NAALADL2: variants seen among roughly 807,000 people sequenced by gnomAD.
NAALADL2 encodes the protein N-acetylated alpha-linked acidic dipeptidase like 2, also known as inactive N-acetylated-alpha-linked acidic dipeptidase-like protein 2.
NAALADL2 carries 76 observed loss-of-function variants against 87.2 expected under a neutral mutation model. The ratio of observed to expected loss-of-function variants is 0.87; its 90% CI spans 0.72 to 1.05. The LOEUF is 1.05. Ranked by LOEUF, NAALADL2 falls within the 50% of genes least tolerant of loss-of-function variation. The pLI is 0.00. For synonymous variants in NAALADL2, 354 were observed against 331.0 expected (o/e 1.07, Z -0.75); for missense variants, 1,089 against 945.8 (o/e 1.15, Z -1.99).
chr3:175,175,917 A>G (rs1485704840), intron 2 of NAALADL2, among the ~76,000 whole-genome samples: 4 of 152,082 alleles, frequency 2.6e-5, no homozygotes, highest in Non-Finnish European at 1.5e-5. Context: ...TTCAAATTTT[A>G]TCTTCAGTTA....
chr3:175,372,767 A>G (rs1560451603), intron 5 of NAALADL2, among the ~76,000 whole-genome samples: 2 of 152,212 alleles, frequency 1.3e-5, no homozygotes, highest in Non-Finnish European at 2.9e-5. Context: ...AGTATCCAGC[A>G]GTTTCTGCCA....
chr3:175,145,960 G>A (rs571712252), intron 2 of NAALADL2, among the ~76,000 whole-genome samples: 1 of 152,116 alleles, frequency 6.6e-6, no homozygotes, highest in East Asian at 1.9e-4. Flanking sequence ...TGTGGATGTG[G>A]AAATTGTTTT....
chr3:174,812,853 GAAA>G (rs1227610351), intron 3 of NAALADL2, among the ~76,000 whole-genome samples: 1 of 151,414 alleles, frequency 6.6e-6, no homozygotes, highest in Non-Finnish European at 1.5e-5. Flanking sequence ...AAGATATAAA[GAAA>G]AAAATTTTCA....
chr3:175,501,448 C>T (rs1027103459), intron 9 of NAALADL2, among the ~76,000 whole-genome samples: 1 of 152,056 alleles, frequency 6.6e-6, no homozygotes, highest in Non-Finnish European at 1.5e-5. Context: ...CACACAAAGG[C>T]AGCATATGAT....
chr3:175,285,721 A>G (rs1754896066), intron 4 of NAALADL2, among the ~76,000 whole-genome samples: 1 of 152,120 alleles, frequency 6.6e-6, no homozygotes, highest in Non-Finnish European at 1.5e-5. Context: ...AAACCGTGCT[A>G]TCTATATCTA....
chr3:174,653,366 A>G (rs978368228), intron 2 of NAALADL2, among the ~76,000 whole-genome samples: 9 of 152,094 alleles, frequency 5.9e-5, no homozygotes, highest in African/African-American at 1.9e-4. Flanking sequence ...TTGTGTGTTC[A>G]TTATCTTTGA....
At chr3:175,071,885 G>A (rs543656154) in intron 1 of NAALADL2, among the ~76,000 whole-genome samples, 58 of 152,158 alleles carry the variant, frequency 3.8e-4, no homozygotes, top group African/African-American at 1.3e-3. Flanking sequence ...GTCCTCACCA[G>A]AGTTTCAGTA....
chr3:175,771,926 T>C (rs1162724896), intron 13 of NAALADL2, among the ~76,000 whole-genome samples: 1 of 152,088 alleles, frequency 6.6e-6, no homozygotes, highest in Non-Finnish European at 1.5e-5. Flanking sequence ...AAGGCCCTTA[T>C]AGAACCATCA....
At chr3:175,706,710 G>A (rs1000333360) in intron 11 of NAALADL2, among the ~76,000 whole-genome samples, 1 of 152,114 alleles carries the variant, frequency 6.6e-6, no homozygotes, top group African/African-American at 2.4e-5. Context: ...TGATACATTA[G>A]CAGAAGAGGG....
rs1378783893 is a variant in NAALADL2 at position 175,506,837 on chromosome 3, G to T, written c.1653+35079G>T. 2.0e-5 allele frequency among the ~76,000 whole-genome samples: 3 copies of T among 152,182 alleles called. No individual in the cohort carries two copies. In the South Asian group the frequency reaches 6.2e-4, roughly 32 times the overall value. ...CATACTTGGTTATTCACATGTTAGA[G>T]GTCATAGTTATAAGGTGCTCCTGAT... On this transcript the variant is annotated intron_variant, in intron 9 of 13. Transcript: ENST00000454872.
intron 10 of NAALADL2, among the ~76,000 whole-genome samples, chr3:175,621,503 T>G (rs1249781428): frequency 6.6e-6 from 1 of 152,200 alleles, no homozygotes; most frequent in Non-Finnish European, 1.5e-5. Flanking sequence ...TACCAAGGCT[T>G]GGCCTCTAAT....
At chr3:174,758,828 A>G (rs1417856069) in intron 3 of NAALADL2, among the ~76,000 whole-genome samples, 1 of 152,216 alleles carries the variant, frequency 6.6e-6, no homozygotes, top group Non-Finnish European at 1.5e-5. Context: ...GAGAAAGCAC[A>G]TAGTTTTTTT....
rs1334079370 is a variant in NAALADL2 at position 174,826,432 on chromosome 3, T to C, written c.-9+88686T>C. On this transcript the variant is annotated intron_variant, in intron 3 of 3. Coordinates refer to the NAALADL2 transcript ENST00000434257. ...GGGCATAGTAACAGAACAGGGATTA[T>C]ATGGATTAATATACTCAAATTACTT... Among the ~76,000 whole-genome samples the C allele has an allele frequency of 2.6e-5, 4 of 152,318 alleles. No individual in the cohort carries two copies. The South Asian group carries it at 8.3e-4, about 32-fold the overall frequency.
chr3:175,325,078 G>A (rs987125188), intron 5 of NAALADL2, among the ~76,000 whole-genome samples: 9 of 152,228 alleles, frequency 5.9e-5, no homozygotes, highest in Admixed American at 3.9e-4. Context: ...CCCATTAACC[G>A]TGACAGTTCA....
chr3:175,153,700 A>T (rs1448008899), intron 2 of NAALADL2, among the ~76,000 whole-genome samples: 2 of 152,230 alleles, frequency 1.3e-5, no homozygotes, highest in Non-Finnish European at 1.5e-5. Flanking sequence ...TAAAGTAAGG[A>T]AGAGCTATGT....
chr3:174,545,283 T>C (rs1722625197), intron 1 of NAALADL2, among the ~76,000 whole-genome samples: 1 of 152,200 alleles, frequency 6.6e-6, no homozygotes, highest in Admixed American at 6.5e-5. Flanking sequence ...TATCCCTTTA[T>C]TCTCTTGCAT....
intron 7 of NAALADL2, among the ~76,000 whole-genome samples, 177 bp downstream of exon 7, chr3:175,463,670 C>A (rs987661376): frequency 1.4e-5 from 2 of 143,744 alleles, no homozygotes; most frequent in African/African-American, 2.8e-5. Context: ...TCTTTCCTAC[C>A]GTATCTCTTC....
intron 11 of NAALADL2, among the ~76,000 whole-genome samples, chr3:175,656,710 GGTGTGTGTGTAT>G (rs1174614992): frequency 6.6e-6 from 1 of 151,558 alleles, no homozygotes; most frequent in Non-Finnish European, 1.5e-5. Flanking sequence ...TTAGTAGTCT[GGTGTGTGTGTAT>G]GTGTGTGTGT....
chr3:175,354,997 TTA>T (rs1764194889), intron 5 of NAALADL2, among the ~76,000 whole-genome samples: 1 of 148,286 alleles, frequency 6.7e-6, no homozygotes, highest in African/African-American at 2.5e-5. Context: ...CCAATTTTAT[TTA>T]TATATATAAT....
Sources: gnomAD v4.1 joint callset for allele counts (sites outside exome capture counted in the v4.1 genomes callset) on GRCh38, gnomAD v4.1.1 for gene constraint, MANE v1.5 for transcripts, NCBI Gene and HGNC (gene_info 2026-07-23, HGNC 2026-07-21) for gene names.